The following SHISA9 variants were observed in gnomAD, a reference collection of about 807,000 sequenced individuals.
The protein encoded by SHISA9 is shisa family member 9.
Under a neutral mutation model 38.0 loss-of-function variants are expected in SHISA9, and 13 were observed. The ratio of observed to expected loss-of-function variants is 0.34; its 90% CI spans 0.22 to 0.54. The LOEUF (loss-of-function observed/expected upper bound fraction) is 0.54. SHISA9 is among the 20% of genes least tolerant of loss of function. SHISA9 has a pLI of 0.91. For missense variants in SHISA9, 538 were observed against 575.8 expected, an observed-to-expected ratio of 0.93 and a Z score of 0.67; for synonymous variants, 275 against 242.0, an observed-to-expected ratio of 1.14 and a Z score of -1.27.
chr16:13,065,552 G>A (rs548232200), intron 2 of SHISA9, among the ~76,000 whole-genome samples: 2 of 152,248 alleles, frequency 1.3e-5, no homozygotes, highest in Non-Finnish European at 1.5e-5. Context: ...CATCAGGTGG[G>A]CTTTTGCCCA....
chr16:13,385,741 T>G, the SHISA9 span, among the ~76,000 whole-genome samples: 40 of 137,652 alleles, frequency 2.9e-4, no homozygotes, highest in East Asian at 6.4e-4. Flanking sequence ...CTGTGGTATA[T>G]CCATACCATG....
chr16:13,252,442 A>T, the SHISA9 span, among the ~76,000 whole-genome samples: 1 of 152,210 alleles, frequency 6.6e-6, no homozygotes, highest in Non-Finnish European at 1.5e-5. Flanking sequence ...CTCCTGCTTC[A>T]AAGACAGAAA....
At chr16:13,208,433 C>CTTTTTTTTT (rs148636082) in intron 3 of SHISA9, among the ~76,000 whole-genome samples, 2 of 119,876 alleles carry the variant, frequency 1.7e-5, no homozygotes, top group African/African-American at 3.3e-5. Flanking sequence ...CTTTCTTTTT[C>CTTTTTTTTT]TTTTTTTTTC....
chr16:12,906,842 G>T (rs1223163442), intron 1 of SHISA9, among the ~76,000 whole-genome samples: 2 of 152,122 alleles, frequency 1.3e-5, no homozygotes, highest in African/African-American at 4.8e-5. Context: ...TCTGGTCTCT[G>T]CCCACTGATG....
intron 2 of SHISA9, among the ~76,000 whole-genome samples, chr16:13,129,159 AGATGCT>A (rs1280812984): frequency 5.3e-5 from 8 of 152,228 alleles, no homozygotes; most frequent in African/African-American, 1.9e-4. Flanking sequence ...TTTTCATTGC[AGATGCT>A]TCTGTTTCAG....
chr16:13,175,910 G>A (rs1290347100), intron 2 of SHISA9, among the ~76,000 whole-genome samples: 2 of 152,162 alleles, frequency 1.3e-5, no homozygotes, highest in East Asian at 3.9e-4. Context: ...TACAAATCCA[G>A]AGGGCTATTG....
chr16:13,132,487 G>C (rs1334942968), intron 2 of SHISA9, among the ~76,000 whole-genome samples: 2 of 152,050 alleles, frequency 1.3e-5, no homozygotes, highest in Non-Finnish European at 2.9e-5. Flanking sequence ...CTTTGCTGTG[G>C]GGAGTGTCTT....
At chr16:13,023,923 C>G (rs1281686918) in intron 2 of SHISA9, among the ~76,000 whole-genome samples, 1 of 152,068 alleles carries the variant, frequency 6.6e-6, no homozygotes, top group Non-Finnish European at 1.5e-5. Flanking sequence ...GGGTAAAACA[C>G]AAAGATGGGA....
intron 2 of SHISA9, among the ~76,000 whole-genome samples, chr16:12,951,155 A>C (rs1328952808): frequency 8.5e-6 from 1 of 118,334 alleles, no homozygotes; most frequent in Admixed American, 1.2e-4. Context: ...CAGGAGGTGG[A>C]GGTTGCAGTG....
the SHISA9 span, among the ~76,000 whole-genome samples, chr16:13,465,118 G>A: frequency 5.9e-5 from 9 of 152,160 alleles, 1 homozygote; most frequent in Admixed American, 5.2e-4. Flanking sequence ...CTGGGGGTAG[G>A]GGGCTGGGTA....
intron 2 of SHISA9, among the ~76,000 whole-genome samples, chr16:12,929,192 G>A (rs549214236): frequency 6.6e-6 from 1 of 152,322 alleles, no homozygotes; most frequent in South Asian, 2.1e-4. Context: ...CTGTTGGTGG[G>A]AGTGTAAATT....
chr16:13,246,836 T>A, the SHISA9 span, among the ~76,000 whole-genome samples: 3 of 152,048 alleles, frequency 2.0e-5, no homozygotes, highest in Admixed American at 6.6e-5. Flanking sequence ...CACTTAGAAC[T>A]GTATCTGACT....
Position 13,051,801 on chromosome 16 carries a change from T to A in SHISA9, c.691+134986T>A, listed in dbSNP as rs183055698. 4.3e-3 allele frequency among the ~76,000 whole-genome samples: 647 copies of A among 151,938 alleles called. 4 individuals are homozygous for A. Among genetic ancestry groups the A allele is most frequent in the African/African-American group, 0.015 (626 of 41,420 alleles). ...TTTTTTTTGAGATTGAGTCTTGCTC[T>A]ATCACCAGGCTGGAGTGCAGAGGCA... On this transcript the variant is annotated intron_variant, in intron 2 of 4. Transcript: ENST00000558583.
the SHISA9 span, among the ~76,000 whole-genome samples, chr16:13,249,981 G>A: frequency 1.4e-4 from 22 of 152,218 alleles, no homozygotes; most frequent in Admixed American, 5.9e-4. Context: ...CAATGCTTCC[G>A]CCTCGGTCTG....
the SHISA9 span, among the ~76,000 whole-genome samples, chr16:13,387,927 C>G: frequency 6.6e-6 from 1 of 151,438 alleles, no homozygotes; most frequent in Non-Finnish European, 1.5e-5. Context: ...AAATCCCCTC[C>G]TAGAAAAAAA....
At chr16:13,055,494 ACT>A (rs1479781929) in intron 2 of SHISA9, among the ~76,000 whole-genome samples, 1 of 151,900 alleles carries the variant, frequency 6.6e-6, no homozygotes, top group Middle Eastern at 3.2e-3. Flanking sequence ...TACCCCAAAG[ACT>A]CTGTTTCCTT....
the SHISA9 span, among the ~76,000 whole-genome samples, chr16:13,395,613 T>G: frequency 6.6e-6 from 1 of 152,252 alleles, no homozygotes; most frequent in African/African-American, 2.4e-5. Context: ...AGCTTTTAAA[T>G]GTATGTCTAT....
intron 2 of SHISA9, among the ~76,000 whole-genome samples, chr16:13,181,267 T>TA (rs2050774626): frequency 4.9e-4 from 39 of 80,018 alleles, no homozygotes; most frequent in African/African-American, 1.6e-3. Flanking sequence ...AAATAAAATT[T>TA]TATATATATA....
At chr16:13,337,378 C>T in the SHISA9 span, among the ~76,000 whole-genome samples, 151 of 152,238 alleles carry the variant, frequency 9.9e-4, no homozygotes, top group South Asian at 1.5e-3. Context: ...CATCTGCTGC[C>T]GTGTGAGACG....
Sources: gnomAD v4.1 joint callset for allele counts (sites outside exome capture counted in the v4.1 genomes callset) on GRCh38, gnomAD v4.1.1 for gene constraint, MANE v1.5 for transcripts, NCBI Gene and HGNC (gene_info 2026-07-23, HGNC 2026-07-21) for gene names.